PDE1C: variants seen among roughly 807,000 people sequenced by gnomAD.
The protein encoded by PDE1C is dual specificity calcium/calmodulin-dependent 3',5'-cyclic nucleotide phosphodiesterase 1C.
Under a neutral mutation model 93.1 loss-of-function variants are expected in PDE1C, and 62 were observed. That is an observed-to-expected ratio of 0.67 (90% CI 0.54 to 0.82). The LOEUF is 0.82. Ranked by LOEUF, PDE1C falls within the 40% of genes least tolerant of loss-of-function variation. PDE1C has a pLI of 0.00. For missense variants in PDE1C, 742 were observed against 884.6 expected, an observed-to-expected ratio of 0.84 and a Z score of 2.04; for synonymous variants, 325 against 310.1, an observed-to-expected ratio of 1.05 and a Z score of -0.50.
At chr7:31,638,862 C>T in the PDE1C span, among the ~76,000 whole-genome samples, 1 of 152,194 alleles carries the variant, frequency 6.6e-6, no homozygotes, top group South Asian at 2.1e-4. Flanking sequence ...CTACAACCTC[C>T]ACCTCCCAGG....
intron 2 of PDE1C, among the ~76,000 whole-genome samples, chr7:32,172,875 G>A (rs1480983175): frequency 1.4e-5 from 2 of 146,544 alleles, no homozygotes; most frequent in Admixed American, 1.4e-4. Context: ...TGGCGAGGCT[G>A]TGGAGAAATA....
intron 1 of PDE1C, among the ~76,000 whole-genome samples, chr7:32,224,441 T>C (rs1239677842): frequency 6.6e-6 from 1 of 152,138 alleles, no homozygotes; most frequent in African/African-American, 2.4e-5. Context: ...TCTGCCATCT[T>C]ACCAAACCTC....
At chr7:32,300,128 T>G (rs1056206170), upstream of PDE1C, among the ~76,000 whole-genome samples, 1 of 152,104 alleles carries the variant, frequency 6.6e-6, no homozygotes, top group Non-Finnish European at 1.5e-5. Flanking sequence ...ACATGTACAA[T>G]ATTCTACATA....
chr7:32,380,404 A>ATTTTTTT (rs55965828), intron 1 of PDE1C, among the ~76,000 whole-genome samples: 2 of 137,290 alleles, frequency 1.5e-5, no homozygotes, highest in Non-Finnish European at 1.5e-5. Context: ...TGCCCGGCTA[A>ATTTTTTT]TTTTTTTTTT....
At chr7:32,047,605 T>G (rs1792779559) in intron 2 of PDE1C, among the ~76,000 whole-genome samples, 2 of 152,118 alleles carry the variant, frequency 1.3e-5, no homozygotes. Context: ...ATCAAAACAT[T>G]CCCTTGGGCT....
chr7:31,939,939 T>C (rs1805590540), intron 2 of PDE1C, among the ~76,000 whole-genome samples: 1 of 152,100 alleles, frequency 6.6e-6, no homozygotes, highest in African/African-American at 2.4e-5. Flanking sequence ...AGAGTGAGTA[T>C]CCACCATCAC....
intron 9 of PDE1C, among the ~76,000 whole-genome samples, chr7:31,844,333 C>T (rs191727793): frequency 2.4e-4 from 36 of 151,728 alleles, no homozygotes; most frequent in Non-Finnish European, 3.7e-4. Flanking sequence ...TCCCTTGTAA[C>T]GCAGCTCCAT....
chr7:31,651,237 CCT>C, the PDE1C span: 5 of 1,613,446 alleles, frequency 3.1e-6, no homozygotes, highest in Non-Finnish European at 4.2e-6. Context: ...GACAGCAGGC[CCT>C]CTTTTCCAGG....
chr7:32,298,429 C>T (rs2128901169), intron 1 of PDE1C, among the ~76,000 whole-genome samples: 1 of 152,252 alleles, frequency 6.6e-6, no homozygotes, highest in East Asian at 2.0e-4. Context: ...AGCTTCCGCG[C>T]GACGCCGGGT....
chr7:32,171,887 T>C (rs3919505), intron 2 of PDE1C, among the ~76,000 whole-genome samples: 39,447 of 143,266 alleles, frequency 0.28, 5,636 homozygotes, highest in East Asian at 0.43. Flanking sequence ...CTAAATGTAA[T>C]GTGGCATCCT....
upstream of PDE1C, among the ~76,000 whole-genome samples, chr7:32,073,807 T>G (rs1796198738): frequency 6.6e-6 from 1 of 152,198 alleles, no homozygotes; most frequent in Non-Finnish European, 1.5e-5. Flanking sequence ...ACTAGCATTC[T>G]GCTCAGAGGC....
At chr7:31,800,493 T>C (rs1785866996) in intron 16 of PDE1C, among the ~76,000 whole-genome samples, 1 of 151,582 alleles carries the variant, frequency 6.6e-6, no homozygotes, top group Non-Finnish European at 1.5e-5. Context: ...TTGATGACTA[T>C]CATTTTCCCT....
At chr7:31,688,751 TCTGAAATC>T in the PDE1C span, among the ~76,000 whole-genome samples, 1 of 152,234 alleles carries the variant, frequency 6.6e-6, no homozygotes, top group Non-Finnish European at 1.5e-5. Flanking sequence ...GAGTTTAAAA[TCTGAAATC>T]CTGAAATCCT....
At chr7:32,396,467 G>A (rs1784841563) in intron 1 of PDE1C, among the ~76,000 whole-genome samples, 1 of 149,598 alleles carries the variant, frequency 6.7e-6, no homozygotes, top group Admixed American at 6.7e-5. Context: ...AACAGAGTGA[G>A]ACCTTGTGTC....
intron 2 of PDE1C, among the ~76,000 whole-genome samples, chr7:32,206,959 C>G (rs1020591301): frequency 6.6e-6 from 1 of 152,250 alleles, no homozygotes; most frequent in Non-Finnish European, 1.5e-5. Context: ...GAGTTCCCTT[C>G]CCTCTTCCCT....
At position 31,753,571 on chromosome 7, in the gene PDE1C, G is replaced by T; in HGVS notation, c.1961-18C>A. On this transcript the variant is annotated intron_variant, in intron 17 of 17. Coordinates refer to ENST00000396191, the MANE Select transcript of PDE1C (RefSeq NM_001191057.4). ...CTTGATGACTGGCGGCCATGGAAAG[G>T]AAGACAGACAACGGTTAGCCTCACC... The T allele has an allele frequency of 6.2e-7, 1 of 1,605,556 alleles. No homozygotes were observed. Among genetic ancestry groups the T allele is most frequent in the Non-Finnish European group, 8.5e-7 (1 of 1,176,132 alleles).
chr7:31,667,835 T>C, the PDE1C span, among the ~76,000 whole-genome samples: 1 of 151,512 alleles, frequency 6.6e-6, no homozygotes, highest in Non-Finnish European at 1.5e-5. Flanking sequence ...AGGATGAATC[T>C]GGGAAAAAAA....
At chr7:31,713,350 G>A in the PDE1C span, among the ~76,000 whole-genome samples, 9 of 152,214 alleles carry the variant, frequency 5.9e-5, no homozygotes, top group Non-Finnish European at 1.2e-4. Flanking sequence ...TCCAGGTCAC[G>A]CTGATGCAAG....
Position 31,824,997 on chromosome 7 carries a change from A to C in PDE1C, c.1286-10T>G, listed in dbSNP as rs1469835760. The stretch of plus-strand genomic sequence containing the variant: ...ATGAAATCAATGAAACCTGAAGAGA[A>C]ACAGCAATGCTTCAGAGGAACCACA... On this transcript the variant is annotated splice_polypyrimidine_tract_variant and intron_variant, in intron 12 of 17. Coordinates refer to ENST00000396191, the MANE Select transcript of PDE1C (RefSeq NM_001191057.4). The C allele has an allele frequency of 3.7e-6, 6 of 1,613,060 alleles. No homozygotes were observed. Among genetic ancestry groups the C allele is most frequent in the Non-Finnish European group, 5.1e-6 (6 of 1,179,278 alleles).
Sources: gnomAD v4.1 joint callset for allele counts (sites outside exome capture counted in the v4.1 genomes callset) on GRCh38, gnomAD v4.1.1 for gene constraint, MANE v1.5 for transcripts, NCBI Gene and HGNC (gene_info 2026-07-23, HGNC 2026-07-21) for gene names.